Variants in ABCA13 observed in about 807,000 individuals in gnomAD.
ABCA13 encodes the protein ATP-binding cassette sub-family A member 13.
In ABCA13, 476 loss-of-function variants were observed where a neutral mutation model predicts 478.7. That is an observed-to-expected ratio of 0.99 (90% CI 0.92 to 1.07). The LOEUF is 1.07. ABCA13 is among the 50% of genes least tolerant of loss of function. The probability of loss-of-function intolerance (pLI) is 0.00; values close to 1 mark genes in which losing one functional copy is unlikely to be tolerated. For missense variants in ABCA13, 6,060 were observed against 5,910.6 expected (o/e 1.03, Z -0.83); for synonymous variants, 2,252 against 2,158.9 (o/e 1.04, Z -1.20).
intron 51 of ABCA13, among the ~76,000 whole-genome samples, chr7:48,511,526 A>G (rs534388122): frequency 1.1e-4 from 17 of 152,200 alleles, no homozygotes; most frequent in South Asian, 4.1e-4. Context: ...ACATAATCCA[A>G]TTAACTCGGA....
chr7:48,257,933 AT>A (rs927080059), intron 15 of ABCA13, among the ~76,000 whole-genome samples: 39 of 151,506 alleles, frequency 2.6e-4, no homozygotes, highest in African/African-American at 8.7e-4. Flanking sequence ...TTATTTATTT[AT>A]TTTTTTTGAG....
intron 38 of ABCA13, among the ~76,000 whole-genome samples, chr7:48,393,168 C>A (rs1255576258): frequency 6.6e-6 from 1 of 152,152 alleles, no homozygotes; most frequent in Non-Finnish European, 1.5e-5. Context: ...ACCATGGAAG[C>A]ATGGATTGGA....
intron 44 of ABCA13, among the ~76,000 whole-genome samples, chr7:48,471,315 C>T (rs1424990984): frequency 6.6e-6 from 1 of 152,114 alleles, no homozygotes; most frequent in Non-Finnish European, 1.5e-5. Context: ...AAGTGAGCCC[C>T]ATGTAATATA....
chr7:48,248,838 G>T (rs969594992), intron 14 of ABCA13, among the ~76,000 whole-genome samples: 7 of 152,182 alleles, frequency 4.6e-5, no homozygotes, highest in African/African-American at 1.7e-4. Flanking sequence ...TTATATGTGT[G>T]ATCAATTTCC....
intron 3 of ABCA13, among the ~76,000 whole-genome samples, chr7:48,198,943 C>A (rs774170763): frequency 2.1e-4 from 32 of 152,118 alleles, no homozygotes; most frequent in Admixed American, 6.6e-5. Flanking sequence ...GAAGATATTT[C>A]ATGTGAGAAG....
intron 59 of ABCA13, among the ~76,000 whole-genome samples, chr7:48,628,345 G>T (rs1175764261): frequency 6.6e-6 from 1 of 152,198 alleles, no homozygotes; most frequent in Non-Finnish European, 1.5e-5. Context: ...ATATGAATTT[G>T]CAAGGAGGGA....
At position 48,526,672 on chromosome 7, in the gene ABCA13, T is replaced by A. The variant is rs1424394602; in HGVS notation, c.14245-1564T>A. Among the ~76,000 whole-genome samples the A allele has an allele frequency of 3.3e-5, 5 of 152,292 alleles. No individual in the cohort carries two copies. The South Asian group carries it at 6.2e-4, about 19-fold the overall frequency. Reference sequence around the variant, plus strand: ...AATCTATACAGTATGTGCTGAATACTGTAAGCAATTGTAACACAATTGCAA... The same window carrying A: ...AATCTATACAGTATGTGCTGAATACAGTAAGCAATTGTAACACAATTGCAA... On this transcript the variant is annotated intron_variant, in intron 54 of 61. Coordinates refer to ENST00000435803, the MANE Select transcript of ABCA13 (RefSeq NM_152701.5).
chr7:48,280,965 A>G (rs1164433225), intron 18 of ABCA13, among the ~76,000 whole-genome samples: 2 of 152,090 alleles, frequency 1.3e-5, no homozygotes. Context: ...TTCTCCACCA[A>G]TCTCAGGTTT....
At position 48,455,510 on chromosome 7, in the gene ABCA13, C is replaced by T. The variant is rs1825566203; in HGVS notation, c.12815+224C>T. 2.6e-5 allele frequency among the ~76,000 whole-genome samples: 4 copies of T among 152,196 alleles called. No individual in the cohort carries two copies. In the South Asian group the frequency reaches 8.3e-4, roughly 31 times the overall value. On this transcript the variant is annotated intron_variant, in intron 43 of 61. Coordinates refer to ENST00000435803, the MANE Select transcript of ABCA13 (RefSeq NM_152701.5). ...TAATGAGGCTGCCTGGTCTCCGAAT[C>T]CTGAGCCCCTGACCCCTCCTCATGG...
At chr7:48,300,964 T>C (rs759174625) in intron 23 of ABCA13, among the ~76,000 whole-genome samples, 29 of 152,206 alleles carry the variant, frequency 1.9e-4, no homozygotes, top group Non-Finnish European at 3.7e-4. Flanking sequence ...GGCCAAATTT[T>C]TATTCTTTTA....
At chr7:48,605,277 C>A (rs1045947377) in intron 58 of ABCA13, among the ~76,000 whole-genome samples, 1 of 152,142 alleles carries the variant, frequency 6.6e-6, no homozygotes, top group Non-Finnish European at 1.5e-5. Context: ...CATTATGATG[C>A]TAGCTGGTTA....
chr7:48,417,902 C>A (rs772142157), intron 41 of ABCA13, among the ~76,000 whole-genome samples: 2 of 152,176 alleles, frequency 1.3e-5, no homozygotes, highest in Non-Finnish European at 2.9e-5. Context: ...TTTACCTTTT[C>A]CTGAATGTTG....
chr7:48,579,992 C>T (rs1788556081), intron 55 of ABCA13, among the ~76,000 whole-genome samples: 1 of 152,148 alleles, frequency 6.6e-6, no homozygotes. Flanking sequence ...TTTCCTTTGT[C>T]CTCTGGTTCT....
chr7:48,405,701 G>A (rs1016431601), intron 39 of ABCA13, among the ~76,000 whole-genome samples: 2 of 152,186 alleles, frequency 1.3e-5, no homozygotes, highest in African/African-American at 4.8e-5. Context: ...GAGTCTCAAA[G>A]GTTTAGCTGA....
At chr7:48,590,913 G>A (rs967075629) in intron 57 of ABCA13, among the ~76,000 whole-genome samples, 7 of 151,782 alleles carry the variant, frequency 4.6e-5, no homozygotes, top group African/African-American at 1.2e-4. Flanking sequence ...TTTATCCCCC[G>A]CTGTAGTTTG....
At chr7:48,192,837 C>T (rs1797280474) in intron 1 of ABCA13, 122 bp from the exon 2 acceptor site, 1 of 728,786 alleles carries the variant, frequency 1.4e-6, no homozygotes, top group East Asian at 2.8e-5. Flanking sequence ...CTGTGGGCTC[C>T]TGTCCCAAAT....
rs753168948 is a variant in ABCA13 at position 48,587,195 on chromosome 7, CGCGGACAAACCT to C, written c.14549_14560del (p.Ala4850_Pro4853del). On this transcript the variant is annotated inframe_deletion, in exon 57 of 62. Coordinates refer to ENST00000435803, the MANE Select transcript of ABCA13 (RefSeq NM_152701.5). ...TCAGGCGCTTACACCTCGAAGCCCA[CGCGGACAAACCT>C]GTGGCCACCTACAGTGGGGGAACCA... is the stretch of plus-strand genomic sequence containing the variant. 1 of 1,612,956 alleles carries C rather than the reference CGCGGACAAACCT, an allele frequency of 6.2e-7. No homozygotes were observed. The highest frequency in any genetic ancestry group is 1.3e-5 in the African/African-American group (1 of 74,996).
intron 57 of ABCA13, among the ~76,000 whole-genome samples, chr7:48,591,159 GT>G (rs1451416967): frequency 6.6e-6 from 1 of 151,568 alleles, no homozygotes; most frequent in African/African-American, 2.4e-5. Context: ...TGTGTATGGT[GT>G]AAGATAAGGA....
chr7:48,242,858 A>G (rs895224183), intron 10 of ABCA13: 3 of 152,352 alleles, frequency 2.0e-5, no homozygotes, highest in African/African-American at 7.2e-5. Flanking sequence ...CCTTGTCTTC[A>G]TAGCCAATTG....
Sources: allele counts gnomAD v4.1 joint callset (sites outside exome capture counted in the v4.1 genomes callset), GRCh38; gene constraint gnomAD v4.1.1; transcripts MANE v1.5; gene names NCBI Gene and HGNC (gene_info 2026-07-23, HGNC 2026-07-21).